Variants in OTUD7A observed in about 807,000 individuals in gnomAD.
OTUD7A encodes the protein OTU deubiquitinase 7A, also known as OTU domain-containing protein 7A.
A neutral mutation model predicts 65.7 loss-of-function variants in OTUD7A; 12 were observed. The observed-to-expected ratio is 0.18, with a 90% CI of 0.12 to 0.30. The LOEUF (loss-of-function observed/expected upper bound fraction) is 0.30, where lower values mean the gene tolerates loss of function less well. Ranked by LOEUF, OTUD7A falls within the 10% of genes least tolerant of loss-of-function variation. OTUD7A has a pLI of 1.00. For missense variants in OTUD7A, 1,148 were observed against 1,304.8 expected (o/e 0.88, Z 1.85); for synonymous variants, 641 against 586.3 (o/e 1.09, Z -1.35).
chr15:31,620,351 C>A (rs1186951532), intron 3 of OTUD7A, among the ~76,000 whole-genome samples: 1 of 152,080 alleles, frequency 6.6e-6, no homozygotes, highest in African/African-American at 2.4e-5. Flanking sequence ...GGTACCAGCT[C>A]CTCCTTTTAC....
In OTUD7A at chr15:31,773,070, G is replaced by A. The variant is rs183127995; in HGVS notation, c.-100+97437C>T. Among the ~76,000 whole-genome samples the A allele has an allele frequency of 9.1e-4, 139 of 152,182 alleles. No homozygotes were observed. The South Asian group carries it at 9.3e-3, about 10-fold the overall frequency. The stretch of plus-strand genomic sequence containing the variant: ...AATATGTAGATATAAACCTATCTAT[G>A]TATCTGTATATATGAATATAAATTC... On this transcript the variant is annotated intron_variant, in intron 1 of 12. Coordinates refer to ENST00000307050, the MANE Select transcript of OTUD7A (RefSeq NM_001382637.1).
At chr15:31,853,259 C>T (rs1897476711) in intron 1 of OTUD7A, among the ~76,000 whole-genome samples, 1 of 152,174 alleles carries the variant, frequency 6.6e-6, no homozygotes. Flanking sequence ...AAGCAAAACC[C>T]CTCAGCATCC....
At chr15:31,861,613 C>G (rs961236798) in intron 1 of OTUD7A, among the ~76,000 whole-genome samples, 1 of 152,124 alleles carries the variant, frequency 6.6e-6, no homozygotes. Flanking sequence ...CTTAAAACCA[C>G]GTGGACCCAA....
chr15:31,629,128 T>C (rs1891059076), intron 3 of OTUD7A, among the ~76,000 whole-genome samples: 1 of 152,138 alleles, frequency 6.6e-6, no homozygotes, highest in African/African-American at 2.4e-5. Flanking sequence ...TCCAACACTA[T>C]GTTGAATCGG....
chr15:31,663,246 A>AACACACACACACACACACACACACAC (rs531313199), intron 1 of OTUD7A, among the ~76,000 whole-genome samples: 5 of 140,644 alleles, frequency 3.6e-5, no homozygotes, highest in African/African-American at 1.3e-4. Flanking sequence ...TCTTGGGCTA[A>AACACACACACACACACACACACACAC]ACACACACAC....
chr15:31,595,599 G>T (rs74012554), intron 3 of OTUD7A, among the ~76,000 whole-genome samples: 4,921 of 152,296 alleles, frequency 0.032, 265 homozygotes, highest in African/African-American at 0.11. Context: ...TTCCTACAAA[G>T]TATCACACAC....
chr15:31,800,708 A>G (rs1252609822), intron 1 of OTUD7A, among the ~76,000 whole-genome samples: 1 of 152,190 alleles, frequency 6.6e-6, no homozygotes, highest in Non-Finnish European at 1.5e-5. Flanking sequence ...AATGAGCAGA[A>G]GGAGACGCAG....
At chr15:31,511,338 T>C (rs1209175409) in intron 8 of OTUD7A, among the ~76,000 whole-genome samples, 3 of 4,448 alleles carry the variant, frequency 6.7e-4, no homozygotes, top group Admixed American at 5.4e-3. Context: ...AACACACATA[T>C]ATATGTATAT....
intron 1 of OTUD7A, among the ~76,000 whole-genome samples, chr15:31,832,337 C>T (rs959133062): frequency 1.3e-5 from 2 of 152,110 alleles, no homozygotes; most frequent in African/African-American, 4.8e-5. Context: ...GAGCACAGGC[C>T]CATCACAACA....
intron 12 of OTUD7A, among the ~76,000 whole-genome samples, chr15:31,486,565 G>A (rs571497421): frequency 1.3e-5 from 2 of 151,792 alleles, no homozygotes; most frequent in East Asian, 3.9e-4. Flanking sequence ...TCAGTCAGAT[G>A]CTTAAAATGA....
intron 3 of OTUD7A, among the ~76,000 whole-genome samples, chr15:31,617,761 T>A (rs1175535580): frequency 6.6e-6 from 1 of 152,076 alleles, no homozygotes; most frequent in Admixed American, 6.6e-5. Context: ...TTTCCTTTTT[T>A]ATTTTTATTT....
chr15:31,621,060 C>A (rs1230105508), intron 3 of OTUD7A, among the ~76,000 whole-genome samples: 1 of 149,830 alleles, frequency 6.7e-6, no homozygotes, highest in African/African-American at 2.5e-5. Context: ...GTTCAGTTTC[C>A]ATGTAGTTGA....
intron 5 of OTUD7A, among the ~76,000 whole-genome samples, chr15:31,532,299 A>AAAATGTAGTAAAGAAATAG (rs1887649100): frequency 6.6e-6 from 1 of 152,240 alleles, no homozygotes; most frequent in African/African-American, 2.4e-5. Flanking sequence ...GAAAAATTAG[A>AAAATGTAGTAAAGAAATAG]AAATGTAGTA....
chr15:31,730,599 C>A (rs1354050903), intron 1 of OTUD7A, among the ~76,000 whole-genome samples: 1 of 152,334 alleles, frequency 6.6e-6, no homozygotes, highest in East Asian at 1.9e-4. Flanking sequence ...GTGACCACAC[C>A]AGATGATGAG....
At chr15:31,811,096 T>C (rs568273416) in intron 1 of OTUD7A, among the ~76,000 whole-genome samples, 1 of 152,272 alleles carries the variant, frequency 6.6e-6, no homozygotes, top group East Asian at 1.9e-4. Context: ...AGGTGAGGCA[T>C]GCAGAGAAGG....
chr15:31,600,534 A>G (rs1036117194), intron 3 of OTUD7A, among the ~76,000 whole-genome samples: 5 of 152,196 alleles, frequency 3.3e-5, no homozygotes, highest in Non-Finnish European at 7.3e-5. Flanking sequence ...CATCAACACT[A>G]TGAAGAAACT....
chr15:31,559,057 T>G lies in OTUD7A; in HGVS notation c.462A>C (p.Pro154=), dbSNP rs776678650. The change falls in exon 5 of 13, where the codon CCA becomes CCC. Residue 154 remains proline, a synonymous_variant. Transcript: ENST00000307050. The part of the protein sequence containing the change: ...LEMPIYTFQL[P]DLSVYSEDFR... ...AATCCTCGCTGTACACGCTCAGGTC[T>G]GGCAACTGGAATGTGTAGATTGGCA... The G allele has an allele frequency of 6.2e-7, 1 of 1,614,222 alleles. No homozygotes were observed. Among genetic ancestry groups the G allele is most frequent in the Non-Finnish European group, 8.5e-7 (1 of 1,180,038 alleles).
chr15:31,808,537 G>GGTCA (rs1415529058), intron 1 of OTUD7A, among the ~76,000 whole-genome samples: 1 of 152,076 alleles, frequency 6.6e-6, no homozygotes, highest in African/African-American at 2.4e-5. Flanking sequence ...CTGGCCTCGG[G>GGTCA]GTCACTCTCC....
At chr15:31,796,514 C>A (rs1322672512) in intron 1 of OTUD7A, among the ~76,000 whole-genome samples, 2 of 152,150 alleles carry the variant, frequency 1.3e-5, no homozygotes. Context: ...AAATATTAAT[C>A]TCATCTAAAA....
Sources: allele counts gnomAD v4.1 joint callset (sites outside exome capture counted in the v4.1 genomes callset), GRCh38; gene constraint gnomAD v4.1.1; transcripts MANE v1.5; gene names NCBI Gene and HGNC (gene_info 2026-07-23, HGNC 2026-07-21).